Variants in KIAA1671 observed in about 807,000 individuals in gnomAD.
KIAA1671 encodes KIAA1671.
In KIAA1671, 52 loss-of-function variants were observed where a neutral mutation model predicts 131.2. The ratio of observed to expected loss-of-function variants is 0.40; its 90% CI spans 0.32 to 0.50. The LOEUF is 0.50. Among genes scored for constraint, KIAA1671 ranks in the 20% least tolerant of loss-of-function variants. The pLI is 0.73. For synonymous variants in KIAA1671, 1,003 were observed against 961.6 expected (o/e 1.04, Z -0.80); for missense variants, 2,360 against 2,364.2 (o/e 1.00, Z 0.04).
rs3747120 is a variant in KIAA1671 at position 25,195,880 on chromosome 22, C to T, written c.*3479C>T. On this transcript the variant is annotated 3_prime_UTR_variant, in exon 13 of 13. Coordinates refer to ENST00000358431, the MANE Select transcript of KIAA1671 (RefSeq NM_001145206.2). ...GTCTCTGAATGTGCCTTCCCCCTCA[C>T]CGTGTGTTAAAACACAAAAGCCGAA... 0.25 allele frequency: 38,298 copies of T among 152,012 alleles called. 6,091 individuals carry two copies. Among genetic ancestry groups the T allele is most frequent in the East Asian group, 0.47 (2,395 of 5,134 alleles). The allele number at this position is 152,012 out of a possible 1,614,324, so 9.4% of individuals were successfully genotyped here.
intron 6 of KIAA1671, among the ~76,000 whole-genome samples, chr22:25,117,442 T>C (rs555729644): frequency 2.6e-5 from 4 of 152,188 alleles, no homozygotes; most frequent in Admixed American, 2.6e-4. Flanking sequence ...CACCCTGCAC[T>C]GGGGATTCAC....
At chr22:25,164,958 A>AGAG (rs1405096536) in intron 6 of KIAA1671, among the ~76,000 whole-genome samples, 2 of 89,716 alleles carry the variant, frequency 2.2e-5, no homozygotes, top group South Asian at 4.0e-4. Context: ...GAAAAAAAAA[A>AGAG]AAAGAGAGAG....
intron 6 of KIAA1671, among the ~76,000 whole-genome samples, chr22:25,139,202 CAGAG>C (rs1932768714): frequency 2.6e-5 from 4 of 152,202 alleles, no homozygotes; most frequent in Admixed American, 1.3e-4. Context: ...CTGGGGTTCT[CAGAG>C]AGGCAATTAC....
chr22:24,956,726 G>T (rs1281789320), intron 1 of KIAA1671, among the ~76,000 whole-genome samples: 1 of 152,148 alleles, frequency 6.6e-6, no homozygotes, highest in African/African-American at 2.4e-5. Flanking sequence ...CAAAAAATTA[G>T]CCGGGCGTGG....
intron 5 of KIAA1671, among the ~76,000 whole-genome samples, chr22:25,047,900 C>T (rs1410928356): frequency 3.3e-5 from 5 of 152,248 alleles, no homozygotes; most frequent in African/African-American, 1.2e-4. Context: ...CTAAGCCTAG[C>T]TCTTGAAGAT....
intron 3 of KIAA1671, among the ~76,000 whole-genome samples, chr22:25,030,827 C>T (rs1051535433): frequency 6.6e-6 from 1 of 152,198 alleles, no homozygotes; most frequent in African/African-American, 2.4e-5. Flanking sequence ...ATACTTTGTC[C>T]AGGGTGGAGC....
At chr22:25,104,782 G>A (rs1252824135) in intron 6 of KIAA1671, among the ~76,000 whole-genome samples, 7 of 151,810 alleles carry the variant, frequency 4.6e-5, no homozygotes, top group Admixed American at 4.6e-4. Flanking sequence ...ACCAGACCAG[G>A]GATTCTTAAA....
chr22:25,093,860 C>CTGTG (rs1568951726), intron 6 of KIAA1671, among the ~76,000 whole-genome samples: 3 of 129,500 alleles, frequency 2.3e-5, no homozygotes, highest in African/African-American at 6.7e-5. Context: ...CTCTCTCTCT[C>CTGTG]TCTCTCTCTC....
At chr22:25,078,097 T>C (rs969009800) in intron 6 of KIAA1671, among the ~76,000 whole-genome samples, 1 of 152,132 alleles carries the variant, frequency 6.6e-6, no homozygotes, top group Non-Finnish European at 1.5e-5. Flanking sequence ...GAGCTGGGAT[T>C]TGAACTTGGA....
chr22:24,977,626 A>C (rs1249139950), intron 1 of KIAA1671, among the ~76,000 whole-genome samples: 1 of 152,164 alleles, frequency 6.6e-6, no homozygotes, highest in Non-Finnish European at 1.5e-5. Flanking sequence ...ACACGCCAGG[A>C]TCTTGGACTG....
At chr22:25,085,886 A>G (rs902020149) in intron 6 of KIAA1671, among the ~76,000 whole-genome samples, 7 of 152,160 alleles carry the variant, frequency 4.6e-5, no homozygotes, top group African/African-American at 1.2e-4. Context: ...TAGGCACTCA[A>G]TAAATACTCA....
intron 4 of KIAA1671, among the ~76,000 whole-genome samples, chr22:25,035,193 G>T (rs1048334669): frequency 6.6e-6 from 1 of 151,694 alleles, no homozygotes; most frequent in African/African-American, 2.4e-5. Context: ...CTACAGGCAC[G>T]TGCCTCTATG....
rs186521861 is a variant in KIAA1671 at position 25,087,875 on chromosome 22, C to T, written c.4530+38511C>T. 1.6e-3 allele frequency among the ~76,000 whole-genome samples: 246 copies of T among 152,298 alleles called. 5 individuals carry two copies. In the South Asian group the frequency reaches 0.033, roughly 20 times the overall value. On this transcript the variant is annotated intron_variant, in intron 6 of 12. Transcript: ENST00000358431. ...GAGCCATAGCAGCCAGAGCCCCCAG[C>T]ACCTGGGGAATGGGCGCCCCAGCCA...
chr22:25,013,613 G>T (rs1925156707), intron 1 of KIAA1671: 1 of 152,218 alleles, frequency 6.6e-6, no homozygotes, highest in Non-Finnish European at 1.5e-5. Flanking sequence ...GTTATGCTTA[G>T]ATTTTTCTGA....
intron 6 of KIAA1671, among the ~76,000 whole-genome samples, chr22:25,115,404 T>C (rs1160514245): frequency 6.6e-6 from 1 of 152,204 alleles, no homozygotes; most frequent in Non-Finnish European, 1.5e-5. Flanking sequence ...ACTCACCACG[T>C]GCAAACTGAG....
chr22:25,174,576 G>A, intron 8 of KIAA1671, 87 bp downstream of exon 8: 1 of 1,419,384 alleles, frequency 7.0e-7, no homozygotes, highest in Non-Finnish European at 9.3e-7. Context: ...GGATCTGTGT[G>A]CCAGGGACCC....
intron 1 of KIAA1671, among the ~76,000 whole-genome samples, chr22:24,966,593 A>C (rs1021494739): frequency 2.6e-5 from 4 of 152,226 alleles, no homozygotes; most frequent in Non-Finnish European, 5.9e-5. Context: ...GCTCACCTGC[A>C]TACCTGGGAC....
chr22:25,093,738 C>CTT lies in KIAA1671; in HGVS notation c.4530+44375_4530+44376insTT, dbSNP rs1568951000. 1.8e-3 allele frequency among the ~76,000 whole-genome samples: 157 copies of CTT among 88,952 alleles called. 4 individuals carry two copies. Among genetic ancestry groups the CTT allele is most frequent in the African/African-American group, 2.2e-3 (43 of 19,238 alleles). 58.4% of individuals were successfully genotyped at this position (88,952 alleles called of 152,430 possible). A position where few individuals can be genotyped will look rare whatever the true frequency, so the allele number is the denominator to read the frequency against. On this transcript the variant is annotated intron_variant, in intron 6 of 12. Transcript: ENST00000358431. Reference sequence around the variant, plus strand: ...ACACACACACACACACACACACACACTCTCTCTCTCTCTCTCTCTCTCTCT... The same window carrying CTT: ...ACACACACACACACACACACACACACTTTCTCTCTCTCTCTCTCTCTCTCTCT...
chr22:24,971,999 C>T (rs1285610434), intron 1 of KIAA1671, among the ~76,000 whole-genome samples: 1 of 152,128 alleles, frequency 6.6e-6, no homozygotes, highest in African/African-American at 2.4e-5. Flanking sequence ...CTCAGTTTCC[C>T]TTCTACCTGG....
Sources: gnomAD v4.1 joint callset for allele counts (sites outside exome capture counted in the v4.1 genomes callset) on GRCh38, gnomAD v4.1.1 for gene constraint, MANE v1.5 for transcripts, NCBI Gene and HGNC (gene_info 2026-07-23, HGNC 2026-07-21) for gene names.